The following GRB10 variants were observed in gnomAD, a reference collection of about 807,000 sequenced individuals.
GRB10 encodes the protein growth factor receptor-bound protein 10.
Under a neutral mutation model 80.9 loss-of-function variants are expected in GRB10, and 20 were observed. The observed-to-expected ratio is 0.25, with a 90% CI of 0.17 to 0.36. GRB10 has a LOEUF of 0.36. Ranked by LOEUF, GRB10 falls within the 10% of genes least tolerant of loss-of-function variation. The pLI is 1.00. For missense variants in GRB10, 548 were observed against 747.7 expected (o/e 0.73, Z 3.12); for synonymous variants, 291 against 291.5 (o/e 1.00, Z 0.02).
At chr7:50,793,326 C>CT (rs1048756578) in exon 1 of GRB10, 2 of 146,564 alleles carry the variant, frequency 1.4e-5, no homozygotes, top group African/African-American at 2.5e-5. Flanking sequence ...GCGCTCAAGA[C>CT]TGTCCCGGGC....
chr7:50,604,360 C>G lies in GRB10; in HGVS notation c.1407G>C (p.Met469Ile), dbSNP rs746611003. Reference protein sequence around the residue: ...GHAWRKRSTRMNILGSQSPLH... With the variant: ...GHAWRKRSTRINILGSQSPLH... ...GGGGACTTTGGCTACCTAGGATGTT[C>G]ATCCGTGTGCTTCGCTTCTGCAAAA... The change falls in exon 16 of 19, where the codon ATG becomes ATC. Residue 469 changes from methionine (M) to isoleucine (I), a missense_variant. Met to Ile is a conservative substitution (Grantham distance 10). This residue lies in a region of GRB10 where 270 missense variants were observed against 433.6 expected (regional missense o/e 0.62). Transcript: ENST00000401949. The G allele has an allele frequency of 6.2e-7, 1 of 1,613,312 alleles. No homozygotes were observed. Among genetic ancestry groups the G allele is most frequent in the South Asian group, 1.1e-5 (1 of 91,032 alleles).
Position 50,732,356 on chromosome 7 carries a change from T to C in GRB10, c.-34A>G, listed in dbSNP as rs1160249786. 1 of 1,595,386 alleles carries C rather than the reference T, an allele frequency of 6.3e-7. No individual in the cohort carries two copies. Among genetic ancestry groups the C allele is most frequent in the Non-Finnish European group, 8.6e-7 (1 of 1,163,432 alleles). ...TCTGCCTTCTTCAAATTACATTTAC[T>C]GCGCTGCAGCACCTGGAATAAAGAC... is the stretch of plus-strand genomic sequence containing the variant. On this transcript the variant is annotated 5_prime_UTR_variant, in exon 4 of 19. Coordinates refer to ENST00000401949, the MANE Select transcript of GRB10 (RefSeq NM_001350814.2).
intron 4 of GRB10, among the ~76,000 whole-genome samples, chr7:50,712,587 A>G (rs1475353504): frequency 1.3e-5 from 2 of 152,182 alleles, no homozygotes; most frequent in East Asian, 3.8e-4. Flanking sequence ...AAATGATCAC[A>G]TTTTCACTAA....
chr7:50,776,491 G>A (rs1181224086), intron 2 of GRB10, among the ~76,000 whole-genome samples: 1 of 152,060 alleles, frequency 6.6e-6, no homozygotes, highest in African/African-American at 2.4e-5. Flanking sequence ...AAAGTGCTGG[G>A]ATTACAGGCA....
At chr7:50,773,725 C>T (rs2077271543) in intron 2 of GRB10, among the ~76,000 whole-genome samples, 1 of 152,148 alleles carries the variant, frequency 6.6e-6, no homozygotes, top group Admixed American at 6.5e-5. Context: ...AAAGCAAGTA[C>T]TCAAAGATAG....
At chr7:50,734,300 C>A (rs955491480) in intron 3 of GRB10, among the ~76,000 whole-genome samples, 2 of 152,128 alleles carry the variant, frequency 1.3e-5, no homozygotes, top group Non-Finnish European at 2.9e-5. Context: ...ATGTCCTAGC[C>A]CCATCTCTAA....
chr7:50,646,241 C>A (rs1337711824), intron 7 of GRB10, among the ~76,000 whole-genome samples: 1 of 152,206 alleles, frequency 6.6e-6, no homozygotes, highest in Non-Finnish European at 1.5e-5. Flanking sequence ...TGAGGTTACA[C>A]AATGGAAAGC....
chr7:50,678,991 G>A (rs2061269231), intron 5 of GRB10, among the ~76,000 whole-genome samples: 1 of 152,152 alleles, frequency 6.6e-6, no homozygotes, highest in African/African-American at 2.4e-5. Flanking sequence ...CCCACTGGGA[G>A]GAATAGTGAA....
At position 50,603,991 on chromosome 7, in the gene GRB10, T is replaced by A; in HGVS notation, c.1544+7A>T. On this transcript the variant is annotated splice_region_variant and intron_variant, in intron 17 of 18. Transcript: ENST00000401949. ...GATGACAGCTCTTATCAGTGGTGGT[T>A]CCTTACCCATCCACGAGCCCTTGCT... 3 of 1,602,412 alleles carry A rather than the reference T, an allele frequency of 1.9e-6. No individual in the cohort carries two copies. Among genetic ancestry groups the A allele is most frequent in the South Asian group, 1.1e-5 (1 of 90,824 alleles).
chr7:50,722,242 G>A (rs1191747968), intron 4 of GRB10, among the ~76,000 whole-genome samples: 2 of 152,088 alleles, frequency 1.3e-5, no homozygotes, highest in Non-Finnish European at 2.9e-5. Context: ...CACTCAGGAG[G>A]CCAAGGACTG....
chr7:50,788,058 G>A (rs543681756), intron 1 of GRB10, among the ~76,000 whole-genome samples: 4,830 of 152,272 alleles, frequency 0.032, 113 homozygotes, highest in Non-Finnish European at 0.046. Context: ...ACTGTCCCTG[G>A]GCAGGAAGCT....
At chr7:50,696,307 ACTT>A (rs1197047502) in intron 5 of GRB10, among the ~76,000 whole-genome samples, 1 of 152,216 alleles carries the variant, frequency 6.6e-6, no homozygotes, top group African/African-American at 2.4e-5. Flanking sequence ...AGCAAGAGTT[ACTT>A]CTTAAAGAGG....
At chr7:50,752,431 C>G (rs61145315) in intron 3 of GRB10, among the ~76,000 whole-genome samples, 8,004 of 152,252 alleles carry the variant, frequency 0.053, 699 homozygotes, top group African/African-American at 0.18. Flanking sequence ...GTTTCCTGCC[C>G]TTGGAAAGAG....
chr7:50,744,104 G>C (rs1171785365), intron 3 of GRB10, among the ~76,000 whole-genome samples: 1 of 151,950 alleles, frequency 6.6e-6, no homozygotes, highest in Non-Finnish European at 1.5e-5. Flanking sequence ...GTGCAGAGAA[G>C]AGGAACCCAT....
intron 7 of GRB10, among the ~76,000 whole-genome samples, chr7:50,642,158 G>A (rs1419631245): frequency 6.6e-6 from 1 of 152,160 alleles, no homozygotes; most frequent in Non-Finnish European, 1.5e-5. Context: ...GCCTAAGCAG[G>A]AGGCGGAACC....
intron 7 of GRB10, among the ~76,000 whole-genome samples, chr7:50,660,463 A>T (rs1186538802): frequency 6.6e-6 from 1 of 152,148 alleles, no homozygotes; most frequent in Non-Finnish European, 1.5e-5. Context: ...GAGCTCCAAG[A>T]CACAGAGACA....
chr7:50,777,462 T>C (rs1019239812), intron 2 of GRB10, among the ~76,000 whole-genome samples: 10 of 43,046 alleles, frequency 2.3e-4, no homozygotes, highest in African/African-American at 4.2e-4. Flanking sequence ...ACACACACCA[T>C]TGCACATATC....
At position 50,674,467 on chromosome 7, in the gene GRB10, G is replaced by A. The variant is rs200607743; in HGVS notation, c.331C>T (p.Arg111Cys). The part of the protein sequence containing the change: ...PQVSPRQRVQ[R>C]SQPVHILAVR... ...GCGAGGATGTGCACAGGCTGGGAGC[G>A]CTGCACCCTCTGCCTCGGGGACACC... is the stretch of plus-strand genomic sequence containing the variant. Residue 111 changes from arginine to cysteine, a missense_variant, in exon 6 of 19, where the codon CGC becomes TGC. This residue lies in a region of GRB10 where 245 missense variants were observed against 229.3 expected (regional missense o/e 1.07). Transcript: ENST00000401949. 6.5e-5 allele frequency: 105 copies of A among 1,606,824 alleles called. No individual in the cohort carries two copies. The highest frequency in any genetic ancestry group is 8.1e-5 in the Non-Finnish European group (96 of 1,180,008).
chr7:50,664,320 C>A (rs1194565353), intron 7 of GRB10, among the ~76,000 whole-genome samples: 1 of 152,210 alleles, frequency 6.6e-6, no homozygotes, highest in African/African-American at 2.4e-5. Context: ...TCAGAGCCTT[C>A]TGAACTTCAC....
Sources: allele counts gnomAD v4.1 joint callset (sites outside exome capture counted in the v4.1 genomes callset), GRCh38; gene constraint gnomAD v4.1.1; regional missense constraint gnomAD v4.1.1; transcripts MANE v1.5; gene names NCBI Gene and HGNC (gene_info 2026-07-23, HGNC 2026-07-21).